UBE2E2: variants seen among roughly 807,000 people sequenced by gnomAD.
UBE2E2 encodes ubiquitin-conjugating enzyme E2 E2.
A neutral mutation model predicts 24.7 loss-of-function variants in UBE2E2; 6 were observed. That is an observed-to-expected ratio of 0.24 (90% confidence interval 0.13 to 0.48). The LOEUF is 0.48. Ranked by LOEUF, UBE2E2 falls within the 20% of genes least tolerant of loss-of-function variation. The probability of loss-of-function intolerance (pLI) is 0.99; values close to 1 mark genes in which losing one functional copy is unlikely to be tolerated. For missense variants in UBE2E2, 169 were observed against 245.0 expected (o/e 0.69, Z 2.07); for synonymous variants, 104 against 83.6 (o/e 1.24, Z -1.33).
chr3:23,402,537 T>A (rs999860327), intron 3 of UBE2E2, among the ~76,000 whole-genome samples: 1 of 152,210 alleles, frequency 6.6e-6, no homozygotes, highest in Non-Finnish European at 1.5e-5. Context: ...GATATTTAGT[T>A]GCTAGCCCAC....
At chr3:23,231,038 G>A (rs1211890140) in intron 3 of UBE2E2, among the ~76,000 whole-genome samples, 1 of 152,138 alleles carries the variant, frequency 6.6e-6, no homozygotes, top group Non-Finnish European at 1.5e-5. Context: ...CATAATGAGA[G>A]CTCTACCTTT....
intron 5 of UBE2E2, among the ~76,000 whole-genome samples, chr3:23,533,229 G>A (rs904008250): frequency 7.9e-5 from 12 of 152,128 alleles, no homozygotes; most frequent in Non-Finnish European, 5.9e-5. Context: ...CCAAGAAAAC[G>A]AAAAAGTCTA....
At chr3:23,519,702 G>A (rs1048427494) in intron 4 of UBE2E2, among the ~76,000 whole-genome samples, 13 of 152,104 alleles carry the variant, frequency 8.5e-5, no homozygotes, top group Admixed American at 2.6e-4. Context: ...TTTGAGACAG[G>A]GTCTCGCTCT....
chr3:23,419,609 T>C (rs1268550784), intron 3 of UBE2E2, among the ~76,000 whole-genome samples: 1 of 152,190 alleles, frequency 6.6e-6, no homozygotes, highest in African/African-American at 2.4e-5. Context: ...CTTGCAGAGA[T>C]TATTTCCACT....
chr3:23,350,580 G>A (rs13085266), intron 3 of UBE2E2, among the ~76,000 whole-genome samples: 10,749 of 152,228 alleles, frequency 0.071, 503 homozygotes, highest in Non-Finnish European at 0.088. Flanking sequence ...CGGGAACTAC[G>A]TGAAGAATAC....
chr3:23,510,296 C>T (rs1054835050), intron 4 of UBE2E2, among the ~76,000 whole-genome samples: 2 of 152,104 alleles, frequency 1.3e-5, no homozygotes, highest in African/African-American at 4.8e-5. Flanking sequence ...AGACAGTCAA[C>T]AAAAATTATA....
intron 3 of UBE2E2, among the ~76,000 whole-genome samples, chr3:23,260,917 A>C (rs1697882189): frequency 6.6e-6 from 1 of 152,124 alleles, no homozygotes; most frequent in South Asian, 2.1e-4. Context: ...CAGCATGGGC[A>C]ACGTGGCAAA....
chr3:23,462,157 A>G (rs1698816405), intron 3 of UBE2E2, among the ~76,000 whole-genome samples: 1 of 152,150 alleles, frequency 6.6e-6, no homozygotes, highest in Non-Finnish European at 1.5e-5. Context: ...ATAAATTTTA[A>G]CTTGATGTCT....
At chr3:23,438,911 A>T (rs1698238286) in intron 3 of UBE2E2, among the ~76,000 whole-genome samples, 1 of 152,234 alleles carries the variant, frequency 6.6e-6, no homozygotes, top group Non-Finnish European at 1.5e-5. Context: ...TAGTATTCTG[A>T]TAAGGTTTGT....
Position 23,215,820 on chromosome 3 carries a change from A to C in UBE2E2, c.177-1442A>C, listed in dbSNP as rs1033035212. 1.1e-4 allele frequency among the ~76,000 whole-genome samples: 16 copies of C among 152,130 alleles called. 1 individual carries two copies. The highest frequency in any genetic ancestry group is 1.0e-3 in the Admixed American group (16 of 15,268). On this transcript the variant is annotated intron_variant, in intron 2 of 5. Coordinates refer to ENST00000396703, the MANE Select transcript of UBE2E2 (RefSeq NM_152653.4). The stretch of plus-strand genomic sequence containing the variant: ...GTGTGTGCCTAGTTGGCCATCTTTA[A>C]CCTGGACTTAGCCACTGAGTTTTGA...
intron 3 of UBE2E2, among the ~76,000 whole-genome samples, chr3:23,246,387 ATTTTTT>A (rs35802594): frequency 1.6e-4 from 20 of 122,482 alleles, no homozygotes; most frequent in Non-Finnish European, 2.4e-4. Flanking sequence ...TGCCTGGCTA[ATTTTTT>A]TTTTTTTTTT....
intron 3 of UBE2E2, among the ~76,000 whole-genome samples, chr3:23,354,706 A>G (rs1169362118): frequency 6.6e-6 from 1 of 152,156 alleles, no homozygotes; most frequent in African/African-American, 2.4e-5. Context: ...TTAGAATGGC[A>G]ATCACTAAAA....
At chr3:23,518,151 A>G (rs1694784633) in intron 4 of UBE2E2, among the ~76,000 whole-genome samples, 1 of 152,200 alleles carries the variant, frequency 6.6e-6, no homozygotes, top group African/African-American at 2.4e-5. Flanking sequence ...TAAACCCAAA[A>G]GAACAGGCTT....
chr3:23,429,431 A>G (rs992788827), intron 3 of UBE2E2, among the ~76,000 whole-genome samples: 6 of 152,162 alleles, frequency 3.9e-5, no homozygotes, highest in Admixed American at 6.5e-5. Context: ...AAACAACTAT[A>G]CACCATGACC....
At position 23,591,638 on chromosome 3, in the gene UBE2E2, C is replaced by A. The variant is rs574825661; in HGVS notation, c.*1807C>A. 1 of 152,294 alleles carries A rather than the reference C, an allele frequency of 6.6e-6. No homozygotes were observed. Among genetic ancestry groups the A allele is most frequent in the African/African-American group, 2.4e-5 (1 of 41,568 alleles). 9.4% of individuals were successfully genotyped at this position (152,294 alleles called of 1,614,324 possible). A position where few individuals can be genotyped will look rare whatever the true frequency, so the allele number is the denominator to read the frequency against. On this transcript the variant is annotated 3_prime_UTR_variant, in exon 6 of 6. Transcript: ENST00000396703. Reference sequence around the variant, plus strand: ...TGGGCAGAGCTATATTCCAGTGAAACTTTATTTACCACCATAGGCATGGGA... The same window carrying A: ...TGGGCAGAGCTATATTCCAGTGAAAATTTATTTACCACCATAGGCATGGGA...
intron 3 of UBE2E2, among the ~76,000 whole-genome samples, chr3:23,363,365 A>C (rs1043328124): frequency 1.3e-5 from 2 of 152,254 alleles, no homozygotes; most frequent in African/African-American, 2.4e-5. Flanking sequence ...CAGCTTGGAT[A>C]AAGAAGCAAG....
intron 5 of UBE2E2, among the ~76,000 whole-genome samples, chr3:23,586,868 T>C (rs768538154): frequency 4.6e-5 from 7 of 151,464 alleles, no homozygotes; most frequent in Non-Finnish European, 8.8e-5. Flanking sequence ...ATCATAGTTA[T>C]TTTTTAAAAG....
chr3:23,393,176 G>A (rs970766132), intron 3 of UBE2E2, among the ~76,000 whole-genome samples: 2 of 152,144 alleles, frequency 1.3e-5, no homozygotes, highest in African/African-American at 2.4e-5. Context: ...ACTAAGGTGG[G>A]AAACAGATAG....
chr3:23,263,344 T>A (rs905485484), intron 3 of UBE2E2, among the ~76,000 whole-genome samples: 1 of 152,234 alleles, frequency 6.6e-6, no homozygotes, highest in Non-Finnish European at 1.5e-5. Context: ...TACACAAAGA[T>A]CTTTTGTGTT....
Sources: allele counts gnomAD v4.1 joint callset (sites outside exome capture counted in the v4.1 genomes callset), GRCh38; gene constraint gnomAD v4.1.1; transcripts MANE v1.5; gene names NCBI Gene and HGNC (gene_info 2026-07-23, HGNC 2026-07-21).